Variants in INPP4A observed in about 807,000 individuals in gnomAD.
INPP4A encodes the protein inositol polyphosphate-4-phosphatase type I A, also known as inositol polyphosphate-4-phosphatase, type I, 107kD.
In INPP4A, 33 loss-of-function variants were observed where a neutral mutation model predicts 119.8. That is an observed-to-expected ratio of 0.28 (90% CI 0.21 to 0.37). INPP4A has a LOEUF of 0.37. INPP4A is among the 10% of genes least tolerant of loss of function. INPP4A has a pLI of 1.00. For synonymous variants in INPP4A, 496 were observed against 500.7 expected (o/e 0.99, Z 0.12); for missense variants, 956 against 1,289.9 (o/e 0.74, Z 3.97).
In INPP4A at chr2:98,546,048, G is replaced by A. The variant is rs948244169; in HGVS notation, c.1029G>A (p.Met343Ile). ...CCACAAACTTGCACATACAAAGGATGAGAGTTCAAGACGATGGAGGATCAG... is the reference window on the plus strand; with the variant it reads ...CCACAAACTTGCACATACAAAGGATAAGAGTTCAAGACGATGGAGGATCAG... ...FVPTNLHIQR[M>I]RVQDDGGSDQ... is the part of the protein sequence containing the mutation. The change falls in exon 12 of 25, where the codon ATG becomes ATA. Residue 343 changes from methionine (M) to isoleucine (I), a missense_variant. Physicochemically the swap from Met to Ile is conservative, Grantham distance 10. This residue lies in a region of INPP4A where 652 missense variants were observed against 797.9 expected (regional missense o/e 0.82). Transcript: ENST00000409851. The surrounding 1 kb of genome is among the most constrained non-coding windows in gnomAD (Gnocchi z 4.2). The A allele has an allele frequency of 1.1e-5, 18 of 1,585,164 alleles. No homozygotes were observed. The highest frequency in any genetic ancestry group is 1.5e-5 in the Non-Finnish European group (18 of 1,164,720).
intron 16 of INPP4A, among the ~76,000 whole-genome samples, 194 bp from the exon 17 acceptor site, chr2:98,559,269 G>A (rs968127376): frequency 2.6e-5 from 4 of 152,210 alleles, no homozygotes; most frequent in Non-Finnish European, 5.9e-5. Context: ...GAGAGGGCTT[G>A]GCTGCCTTGG....
chr2:98,503,760 C>T (rs1464201435), intron 1 of INPP4A, among the ~76,000 whole-genome samples: 1 of 152,248 alleles, frequency 6.6e-6, no homozygotes, highest in East Asian at 1.9e-4. Context: ...TCAAACCAGG[C>T]TTGCGTGACA....
intron 1 of INPP4A, among the ~76,000 whole-genome samples, chr2:98,498,924 T>A (rs1230015073): frequency 6.6e-6 from 1 of 152,174 alleles, no homozygotes; most frequent in Non-Finnish European, 1.5e-5. Flanking sequence ...CTTCCCAGCC[T>A]CCAGGACTGT....
At chr2:98,563,352 A>G (rs1229450290) in intron 17 of INPP4A, 113 bp from the exon 18 acceptor site, 6 of 947,300 alleles carry the variant, frequency 6.3e-6, no homozygotes, top group Non-Finnish European at 9.6e-6. Flanking sequence ...TGAGGTGGAG[A>G]TGGGGGAGTG....
At chr2:98,463,782 AT>A (rs1303522190) in intron 1 of INPP4A, among the ~76,000 whole-genome samples, 1 of 152,174 alleles carries the variant, frequency 6.6e-6, no homozygotes, top group Non-Finnish European at 1.5e-5. Context: ...ATGAGCGTCC[AT>A]GGTCAAGTGA....
At chr2:98,525,520 A>C (rs1688032153) in intron 4 of INPP4A, among the ~76,000 whole-genome samples, 1 of 152,184 alleles carries the variant, frequency 6.6e-6, no homozygotes, top group African/African-American at 2.4e-5. Flanking sequence ...CACTTCCTAA[A>C]ATTTAAAAAA....
chr2:98,558,049 T>C (rs1694809715), intron 16 of INPP4A, among the ~76,000 whole-genome samples: 1 of 152,238 alleles, frequency 6.6e-6, no homozygotes, highest in Admixed American at 6.5e-5. Context: ...TGCATGTGTG[T>C]ACAGAGGAAG....
rs1196959693 is a variant in INPP4A at position 98,594,326 on chromosome 2, A to G, written c.*6718A>G. 4 of 152,238 alleles carry G rather than the reference A, an allele frequency of 2.6e-5. No individual in the cohort carries two copies. Among genetic ancestry groups the G allele is most frequent in the Non-Finnish European group, 5.9e-5 (4 of 68,030 alleles). 9.4% of individuals were successfully genotyped at this position (152,238 alleles called of 1,614,324 possible). A position where few individuals can be genotyped will look rare whatever the true frequency, so the allele number is the denominator to read the frequency against. On this transcript the variant is annotated 3_prime_UTR_variant, in exon 25 of 25. Transcript: ENST00000409851. ...TGACAGATTACTTTGTTCTTAACAT[A>G]CGAACATCCTATTCACTTTTTGGTA...
chr2:98,576,953 C>G, intron 23 of INPP4A, 36 bp from the exon 24 acceptor site: 1 of 1,591,868 alleles, frequency 6.3e-7, no homozygotes. Context: ...TCTGTGGAGC[C>G]TCGCCTCTAA....
intron 1 of INPP4A, among the ~76,000 whole-genome samples, chr2:98,512,973 A>T (rs1685414882): frequency 1.3e-5 from 2 of 152,146 alleles, no homozygotes; most frequent in African/African-American, 4.8e-5. Flanking sequence ...TATGCTAGAG[A>T]AGCATATTTG....
rs1157942695 is a variant in INPP4A at position 98,569,303 on chromosome 2, C to T, written c.2518+635C>T. ...GCTGTGTGTAAAGTGCTAGAGGATC[C>T]GATGGCGAATGAGGGGTGGACCCTA... On this transcript the variant is annotated intron_variant, in intron 22 of 24. Coordinates refer to ENST00000409851, the MANE Select transcript of INPP4A (RefSeq NM_001134225.2). The surrounding 1 kb of genome is among the most constrained non-coding windows in gnomAD (Gnocchi z 5.1). 2.0e-5 allele frequency: 3 copies of T among 152,296 alleles called. No homozygotes were observed. Among genetic ancestry groups the T allele is most frequent in the Admixed American group, 1.3e-4 (2 of 15,280 alleles). The allele number at this position is 152,296 out of a possible 1,614,324, so 9.4% of individuals were successfully genotyped here. A position where few individuals can be genotyped will look rare whatever the true frequency, so the allele number is the denominator to read the frequency against.
chr2:98,474,975 T>C (rs1004518246), intron 1 of INPP4A, among the ~76,000 whole-genome samples: 7 of 151,898 alleles, frequency 4.6e-5, no homozygotes, highest in African/African-American at 1.7e-4. Context: ...GAGACAAGGG[T>C]GTACACTGTA....
intron 1 of INPP4A, among the ~76,000 whole-genome samples, chr2:98,505,899 T>G (rs1683952704): frequency 6.6e-6 from 1 of 152,286 alleles, no homozygotes; most frequent in East Asian, 1.9e-4. Flanking sequence ...TGTCTGTTTA[T>G]CCTGTTCACA....
At chr2:98,469,229 T>A (rs946860627) in intron 1 of INPP4A, among the ~76,000 whole-genome samples, 1 of 152,180 alleles carries the variant, frequency 6.6e-6, no homozygotes, top group Non-Finnish European at 1.5e-5. Context: ...CTGGGCACGG[T>A]GGCTCACGCC....
rs2105984040 is a variant in INPP4A, at chr2:98,538,878, T to C, written c.580-13T>C. The C allele has an allele frequency of 6.5e-7, 1 of 1,541,394 alleles. No individual in the cohort carries two copies. The highest frequency in any genetic ancestry group is 9.0e-7 in the Non-Finnish European group (1 of 1,115,930). On this transcript the variant is annotated splice_polypyrimidine_tract_variant and intron_variant, in intron 8 of 24. Coordinates refer to ENST00000409851, the MANE Select transcript of INPP4A (RefSeq NM_001134225.2). ...CTCACAGTTTTCTTGTGCATTTCCT[T>C]ATACATTATCAGATGGTTCTTCCTG...
intron 1 of INPP4A, among the ~76,000 whole-genome samples, chr2:98,478,853 T>G (rs1213883522): frequency 2.0e-5 from 3 of 152,186 alleles, no homozygotes; most frequent in African/African-American, 7.2e-5. Flanking sequence ...TTTTTCTGTT[T>G]TTTGAAAAGA....
intron 1 of INPP4A, among the ~76,000 whole-genome samples, chr2:98,512,879 C>G (rs1685395474): frequency 6.6e-6 from 1 of 152,232 alleles, no homozygotes; most frequent in Non-Finnish European, 1.5e-5. Flanking sequence ...TCCCCTCCAC[C>G]TTGTCCGTGT....
At position 98,577,154 on chromosome 2, in the gene INPP4A, C is replaced by T; in HGVS notation, c.2786+11C>T. ...GGAGTGCATGCGCAGGTGAGTGCCG[C>T]AGCCAGGCCGCGCGCCCCGCCTGCC... On this transcript the variant is annotated intron_variant, in intron 24 of 24. Coordinates refer to ENST00000409851, the MANE Select transcript of INPP4A (RefSeq NM_001134225.2). 6.3e-7 allele frequency: 1 copy of T among 1,590,880 alleles called. No homozygotes were observed. Among genetic ancestry groups the T allele is most frequent in the Non-Finnish European group, 8.6e-7 (1 of 1,167,002 alleles).
chr2:98,529,607 G>A (rs1375031072), intron 4 of INPP4A, among the ~76,000 whole-genome samples: 1 of 152,040 alleles, frequency 6.6e-6, no homozygotes, highest in African/African-American at 2.4e-5. Context: ...GTGGTGGTGG[G>A]CGCCTGTAGT....
Sources: allele counts gnomAD v4.1 joint callset (sites outside exome capture counted in the v4.1 genomes callset), GRCh38; gene constraint gnomAD v4.1.1; regional missense constraint gnomAD v4.1.1; non-coding constraint Gnocchi (gnomAD v3.1); transcripts MANE v1.5; gene names NCBI Gene and HGNC (gene_info 2026-07-23, HGNC 2026-07-21).